The following NKTR variants were observed in gnomAD, a reference collection of about 807,000 sequenced individuals.
The protein encoded by NKTR is natural killer cell triggering receptor.
NKTR carries 67 observed loss-of-function variants against 156.3 expected under a neutral mutation model. The ratio of observed to expected loss-of-function variants is 0.43; its 90% CI spans 0.35 to 0.53. The LOEUF (loss-of-function observed/expected upper bound fraction) is 0.53. NKTR is among the 20% of genes least tolerant of loss of function. NKTR has a pLI of 0.01. For synonymous variants in NKTR, 640 were observed against 596.6 expected (o/e 1.07, Z -1.06); for missense variants, 1,604 against 1,730.9 (o/e 0.93, Z 1.30).
Position 42,630,668 on chromosome 3 carries a change from C to T in NKTR, c.404+93C>T, listed in dbSNP as rs1166082904. ...ATGGTTGAGCCCTCAAGGGAGCGCT[C>T]TTGATGTCTGGCTTAATCTCATAGC... On this transcript the variant is annotated intron_variant, in intron 7 of 16. Transcript: ENST00000232978. 4 of 1,575,640 alleles carry T rather than the reference C, an allele frequency of 2.5e-6. No homozygotes were observed. The Admixed American group carries it at 5.5e-5, about 22-fold the overall frequency.
In NKTR at chr3:42,628,176, T is replaced by C. The variant is rs188006738; in HGVS notation, c.375-2370T>C. 572 of 985,336 alleles carry C rather than the reference T, an allele frequency of 5.8e-4. 7 individuals are homozygous for C. The South Asian group carries it at 0.021, about 37-fold the overall frequency. 61.0% of individuals were successfully genotyped at this position (985,336 alleles called of 1,614,324 possible). On this transcript the variant is annotated intron_variant, in intron 6 of 16. Transcript: ENST00000232978. ...CTAATCCAATTAAAGTGCAGACTTATATTTCTGTATCTTGAGTTGCAGATG... is the reference window on the plus strand; with the variant it reads ...CTAATCCAATTAAAGTGCAGACTTACATTTCTGTATCTTGAGTTGCAGATG...
At position 42,634,367 on chromosome 3, in the gene NKTR, T is replaced by A. The variant is rs147127939; in HGVS notation, c.930-246T>A. 5.3e-4 allele frequency among the ~76,000 whole-genome samples: 81 copies of A among 152,328 alleles called. No individual in the cohort carries two copies. In the East Asian group the frequency reaches 0.011, roughly 21 times the overall value. ...CATAATGGCTGGTGTCATTGATAAG[T>A]TCCCTATGAAGAGTTATTTTGAAAG... On this transcript the variant is annotated intron_variant, in intron 10 of 16. Coordinates refer to ENST00000232978, the MANE Select transcript of NKTR (RefSeq NM_005385.4).
chr3:42,617,444 TC>T lies in NKTR; in HGVS notation c.59-125del, dbSNP rs1707482645. 6 of 574,154 alleles carry T rather than the reference TC, an allele frequency of 1.0e-5. No homozygotes were observed. In the East Asian group the frequency reaches 1.8e-4, roughly 17 times the overall value. The allele number at this position is 574,154 out of a possible 1,614,324, so 35.6% of individuals were successfully genotyped here. On this transcript the variant is annotated intron_variant, in intron 2 of 16. Coordinates refer to ENST00000232978, the MANE Select transcript of NKTR (RefSeq NM_005385.4). Reference sequence around the variant, plus strand: ...CCCAGTTAAATGCTTTCCCATTACATCTTTTAAAAAATTAAAATGAATTACA... The same window carrying T: ...CCCAGTTAAATGCTTTCCCATTACATTTTTAAAAAATTAAAATGAATTACA...
At chr3:42,620,778 T>C in intron 5 of NKTR, 1 of 985,098 alleles carries the variant, frequency 1.0e-6, no homozygotes, top group Non-Finnish European at 1.2e-6. Flanking sequence ...TTAAAACTAA[T>C]GCTGTAGGCC....
Position 42,646,007 on chromosome 3 carries a change from T to C in NKTR, c.*32T>C. The C allele has an allele frequency of 6.7e-7, 1 of 1,490,846 alleles. No individual in the cohort carries two copies. Among genetic ancestry groups the C allele is most frequent in the Non-Finnish European group, 9.3e-7 (1 of 1,071,070 alleles). 92.4% of individuals were successfully genotyped at this position (1,490,846 alleles called of 1,614,324 possible). On this transcript the variant is annotated 3_prime_UTR_variant, in exon 17 of 17. Coordinates refer to ENST00000232978, the MANE Select transcript of NKTR (RefSeq NM_005385.4). ...CCGGATACAAATTATATCTTATTTG[T>C]AAATATCTGGCAACTTAGCTTAAGA...
chr3:42,612,517 CT>C (rs887384781), intron 2 of NKTR: 1 of 152,070 alleles, frequency 6.6e-6, no homozygotes, highest in Non-Finnish European at 1.5e-5. Flanking sequence ...GCCTCATTTC[CT>C]TTTATTTTAA....
At position 42,639,337 on chromosome 3, in the gene NKTR, G is replaced by C; in HGVS notation, c.3633G>C (p.Lys1211Asn). The part of the protein sequence containing the change: ...LASAGESTGK[K>N]EVAEKSQINL... ...GTGCTGGAGAAAGTACCGGGAAGAA[G>C]GAGGTGGCTGAGAAGAGCCAGATCA... Residue 1211 changes from lysine to asparagine, a missense_variant, in exon 13 of 17, where the codon AAG (lysine) becomes AAC (asparagine). Coordinates refer to ENST00000232978, the MANE Select transcript of NKTR (RefSeq NM_005385.4). The C allele has an allele frequency of 6.2e-7, 1 of 1,614,110 alleles. No individual in the cohort carries two copies. Among genetic ancestry groups the C allele is most frequent in the Admixed American group, 1.7e-5 (1 of 60,016 alleles).
In NKTR at chr3:42,632,811, T is replaced by C; in HGVS notation, c.761T>C (p.Met254Thr). 4 of 1,595,780 alleles carry C rather than the reference T, an allele frequency of 2.5e-6. No homozygotes were observed. Among genetic ancestry groups the C allele is most frequent in the Non-Finnish European group, 3.4e-6 (4 of 1,172,732 alleles). The change falls in exon 9 of 17, where the codon ATG (methionine) becomes ACG (threonine). Residue 254 changes from methionine (M) to threonine (T), a missense_variant. Met to Thr is a moderately conservative substitution (Grantham distance 81, BLOSUM62 -1). Transcript: ENST00000232978. ...SSEEPRNKHAMNPKGHSERSD... is the reference protein window; with the variant it reads ...SSEEPRNKHATNPKGHSERSD... ...GAAGAGCCAAGGAATAAACATGCAATGAACCCAAAAGGGTACGTGTAAAAC... is the reference window on the plus strand; with the variant it reads ...GAAGAGCCAAGGAATAAACATGCAACGAACCCAAAAGGGTACGTGTAAAAC...
Position 42,637,237 on chromosome 3 carries a change from A to G in NKTR, c.1533A>G (p.Leu511=). Reference sequence around the variant, plus strand: ...CTGATAAGGATGTCCAGAGCTCTTTAACCCATTCCAGCAGAGACTCATACA... The same window carrying G: ...CTGATAAGGATGTCCAGAGCTCTTTGACCCATTCCAGCAGAGACTCATACA... ...SKSDKDVQSS[L]THSSRDSYRS... The change falls in exon 13 of 17, where the codon TTA becomes TTG. Residue 511 remains leucine (L), a synonymous_variant. Transcript: ENST00000232978. The G allele has an allele frequency of 6.2e-7, 1 of 1,611,914 alleles. No homozygotes were observed. Among genetic ancestry groups the G allele is most frequent in the Non-Finnish European group, 8.5e-7 (1 of 1,179,390 alleles).
chr3:42,641,263 A>G (rs1168294191), intron 13 of NKTR, among the ~76,000 whole-genome samples: 1 of 152,238 alleles, frequency 6.6e-6, no homozygotes, highest in East Asian at 1.9e-4. Flanking sequence ...TTGGTTGAAT[A>G]AATGACTACA....
At chr3:42,606,418 C>T (rs1283645600) in intron 2 of NKTR, among the ~76,000 whole-genome samples, 1 of 151,804 alleles carries the variant, frequency 6.6e-6, no homozygotes, top group Non-Finnish European at 1.5e-5. Context: ...ATTGCATGTG[C>T]AGGAGTATGG....
chr3:42,641,633 A>C (rs964314031), intron 13 of NKTR, among the ~76,000 whole-genome samples: 1 of 152,198 alleles, frequency 6.6e-6, no homozygotes, highest in African/African-American at 2.4e-5. Flanking sequence ...TAATCCCAGT[A>C]CTTTGGGAGG....
chr3:42,642,630 CCAT>C, intron 14 of NKTR, 34 bp downstream of exon 14: 1 of 1,467,488 alleles, frequency 6.8e-7, no homozygotes, highest in Non-Finnish European at 9.6e-7. Flanking sequence ...GATGTGGTCT[CCAT>C]CATGTCCACT....
In NKTR at chr3:42,637,008, A is replaced by T; in HGVS notation, c.1304A>T (p.Lys435Met). The change falls in exon 13 of 17, where the codon AAG (lysine) becomes ATG (methionine). Residue 435 changes from lysine to methionine, a missense_variant. Physicochemically the swap from Lys to Met is moderately conservative, Grantham distance 95 (BLOSUM62 -1). This residue lies in a region of NKTR where 1,255 missense variants were observed against 1,243.7 expected (regional missense o/e 1.01). Transcript: ENST00000232978. ...GHHKKRRKEK[K>M]VKHKKKGKKQ... ...CATAAAAAACGCAGAAAAGAAAAAA[A>T]GGTTAAGCATAAAAAGAAAGGGAAA... is the stretch of plus-strand genomic sequence containing the variant. 6.2e-7 allele frequency: 1 copy of T among 1,613,152 alleles called. No homozygotes were observed. Among genetic ancestry groups the T allele is most frequent in the Non-Finnish European group, 8.5e-7 (1 of 1,179,778 alleles).
At chr3:42,622,506 C>T (rs1195118431) in intron 6 of NKTR, among the ~76,000 whole-genome samples, 1 of 151,980 alleles carries the variant, frequency 6.6e-6, no homozygotes, top group African/African-American at 2.4e-5. Flanking sequence ...ACATACAAAA[C>T]TCAAATGTTA....
intron 12 of NKTR, 141 bp downstream of exon 12, chr3:42,635,507 A>G: frequency 1.6e-6 from 1 of 628,240 alleles, no homozygotes; most frequent in South Asian, 2.6e-5. Context: ...TACATTTGGG[A>G]CTACTTGATG....
At chr3:42,634,577 T>A in intron 10 of NKTR, 36 bp from the exon 11 acceptor site, 2 of 1,227,786 alleles carry the variant, frequency 1.6e-6, no homozygotes, top group Non-Finnish European at 2.3e-6. Flanking sequence ...GCTTCTTTGC[T>A]TATTTTTAAT....
intron 6 of NKTR, chr3:42,629,503 A>G (rs893819793): frequency 2.2e-5 from 22 of 978,806 alleles, no homozygotes; most frequent in African/African-American, 1.9e-4. Context: ...GTTCACTTAC[A>G]TGTCTTAAAA....
intron 2 of NKTR, 40 bp from the exon 3 acceptor site, chr3:42,617,530 T>G (rs1442268236): frequency 9.7e-7 from 1 of 1,027,810 alleles, no homozygotes; most frequent in Non-Finnish European, 1.5e-6. Context: ...GTGATATATT[T>G]AACTTGCTTA....
Sources: gnomAD v4.1 joint callset for allele counts (sites outside exome capture counted in the v4.1 genomes callset) on GRCh38, gnomAD v4.1.1 for gene constraint, gnomAD v4.1.1 regional missense constraint, MANE v1.5 for transcripts, NCBI Gene and HGNC (gene_info 2026-07-23, HGNC 2026-07-21) for gene names.